Variants in NUP155 observed in about 807,000 individuals in gnomAD.
The protein encoded by NUP155 is nucleoporin 155.
A neutral mutation model predicts 180.4 loss-of-function variants in NUP155; 71 were observed. The ratio of observed to expected loss-of-function variants is 0.39; its 90% CI spans 0.33 to 0.48. NUP155 has a LOEUF of 0.48. Ranked by LOEUF, NUP155 falls within the 20% of genes least tolerant of loss-of-function variation. The pLI is 0.91. For missense variants in NUP155, 1,553 were observed against 1,648.9 expected (o/e 0.94, Z 1.01); for synonymous variants, 582 against 559.5 (o/e 1.04, Z -0.57).
At chr5:37,368,729 G>A (rs779679901) in intron 1 of NUP155, among the ~76,000 whole-genome samples, 22 of 152,208 alleles carry the variant, frequency 1.4e-4, no homozygotes, top group Admixed American at 3.9e-4. Context: ...CAGGAGCATC[G>A]CTTGAACCTG....
At chr5:37,327,824 C>A (rs757918044) in intron 17 of NUP155, 48 bp from the exon 18 acceptor site, 34 of 1,585,464 alleles carry the variant, frequency 2.1e-5, no homozygotes, top group Non-Finnish European at 2.9e-5. Context: ...AATCTTAGAA[C>A]CCATAAATCT....
At chr5:37,334,990 T>C (rs1745228906) in intron 12 of NUP155, among the ~76,000 whole-genome samples, 1 of 151,864 alleles carries the variant, frequency 6.6e-6, no homozygotes, top group South Asian at 2.1e-4. Context: ...AAACCCTGTC[T>C]CTACTAAAAA....
rs527693938 is a variant in NUP155, at chr5:37,364,037, C to A, written c.296-53G>T. ...AGAGGTGAATCTTATTCTTCTTTAA[C>A]TTGTTTCAATAGCTTTTGACTTAAT... On this transcript the variant is annotated intron_variant, in intron 2 of 34. Transcript: ENST00000231498. 108 of 1,383,162 alleles carry A rather than the reference C, an allele frequency of 7.8e-5. No individual in the cohort carries two copies. In the South Asian group the frequency reaches 7.9e-4, roughly 10 times the overall value. The allele number at this position is 1,383,162 out of a possible 1,614,324, so 85.7% of individuals were successfully genotyped here.
chr5:37,302,681 C>T, intron 29 of NUP155, 98 bp downstream of exon 29: 2 of 1,202,136 alleles, frequency 1.7e-6, no homozygotes, highest in Non-Finnish European at 1.2e-6. Context: ...ATAATAATGA[C>T]TTCTCAGACC....
intron 10 of NUP155, 118 bp downstream of exon 10, chr5:37,342,431 T>G (rs868809561): frequency 2.8e-5 from 19 of 671,598 alleles, no homozygotes; most frequent in Admixed American, 8.1e-5. Flanking sequence ...TACAAACTAT[T>G]TATATGGCTT....
intron 4 of NUP155, 115 bp downstream of exon 4, chr5:37,357,966 C>G (rs1244545567): frequency 2.7e-6 from 2 of 742,402 alleles, no homozygotes; most frequent in Non-Finnish European, 4.9e-6. Context: ...GCACTCCAGC[C>G]TACTCGATGG....
Position 37,298,961 on chromosome 5 carries a change from T to A in NUP155, c.3700A>T (p.Thr1234Ser). ...IIEKELSDSV[T>S]LSSSDRMHAL... ...TGCATTCTATCCGAGGAGCTCAATG[T>A]CACACTGTCACTCAATTCTGTAACA... The change falls in exon 32 of 35, where the codon ACA (threonine) becomes TCA (serine). Residue 1234 changes from threonine to serine, a missense_variant. Coordinates refer to ENST00000231498, the MANE Select transcript of NUP155 (RefSeq NM_153485.3). The A allele has an allele frequency of 6.2e-7, 1 of 1,604,526 alleles. No homozygotes were observed. Among genetic ancestry groups the A allele is most frequent in the Non-Finnish European group, 8.5e-7 (1 of 1,171,338 alleles).
chr5:37,306,792 C>G (rs1561771545), intron 25 of NUP155, among the ~76,000 whole-genome samples: 1 of 151,190 alleles, frequency 6.6e-6, no homozygotes. Flanking sequence ...CACACATTTC[C>G]TTTTTAACAG....
intron 3 of NUP155, 120 bp downstream of exon 3, chr5:37,363,768 C>G (rs1341244067): frequency 1.4e-6 from 1 of 721,454 alleles, no homozygotes; most frequent in Non-Finnish European, 2.5e-6. Context: ...CTGAGAAGCA[C>G]TGACCCAAAG....
Position 37,328,440 on chromosome 5 carries a change from T to C in NUP155, c.1814-20A>G. The C allele has an allele frequency of 6.6e-7, 1 of 1,509,924 alleles. No individual in the cohort carries two copies. The highest frequency in any genetic ancestry group is 9.2e-7 in the Non-Finnish European group (1 of 1,085,798). 93.5% of individuals were successfully genotyped at this position (1,509,924 alleles called of 1,614,324 possible). ...GAGAACCTAAAAAGGGAAAGAAGAA[T>C]ATAAAGATTTAGAAAAGAACATCTC... On this transcript the variant is annotated intron_variant, in intron 16 of 34. Transcript: ENST00000231498.
At chr5:37,341,564 A>G (rs1323430732) in intron 10 of NUP155, among the ~76,000 whole-genome samples, 1 of 150,996 alleles carries the variant, frequency 6.6e-6, no homozygotes, top group Non-Finnish European at 1.5e-5. Context: ...TTTTTGAGAC[A>G]GAATCTTGCT....
intron 9 of NUP155, among the ~76,000 whole-genome samples, chr5:37,343,333 C>A (rs550117161): frequency 1.3e-5 from 2 of 152,242 alleles, no homozygotes; most frequent in East Asian, 3.9e-4. Flanking sequence ...CTTGGCCTCC[C>A]AAAGTGCTGG....
At position 37,338,680 on chromosome 5, in the gene NUP155, C is replaced by T. The variant is rs371535777; in HGVS notation, c.1247-762G>A. Among the ~76,000 whole-genome samples, 10 of 152,296 alleles carry T rather than the reference C, an allele frequency of 6.6e-5. No homozygotes were observed. In the East Asian group the frequency reaches 1.7e-3, roughly 27 times the overall value. On this transcript the variant is annotated intron_variant, in intron 11 of 34. Coordinates refer to ENST00000231498, the MANE Select transcript of NUP155 (RefSeq NM_153485.3). The stretch of plus-strand genomic sequence containing the variant: ...TTGGCCTCCCAAAGTACTGGAATTA[C>T]AGGCGTGAGCCACTGCGCCCAACCG...
At chr5:37,368,779 C>T (rs1747772850) in intron 1 of NUP155, among the ~76,000 whole-genome samples, 1 of 151,754 alleles carries the variant, frequency 6.6e-6, no homozygotes, top group African/African-American at 2.4e-5. Flanking sequence ...ATGCCAACTG[C>T]ACTCCAGGCT....
intron 32 of NUP155, among the ~76,000 whole-genome samples, chr5:37,294,892 T>C (rs1007178982): frequency 3.9e-5 from 6 of 152,066 alleles, no homozygotes; most frequent in Admixed American, 3.9e-4. Flanking sequence ...CTTTTTGGGA[T>C]GATGAAAATG....
intron 4 of NUP155, among the ~76,000 whole-genome samples, chr5:37,355,328 GC>G (rs1420986837): frequency 6.6e-6 from 1 of 151,536 alleles, no homozygotes; most frequent in African/African-American, 2.4e-5. Flanking sequence ...GGACAACATG[GC>G]CAAACCACAT....
intron 16 of NUP155, among the ~76,000 whole-genome samples, chr5:37,328,967 A>G (rs1744782245): frequency 6.6e-6 from 1 of 152,174 alleles, no homozygotes; most frequent in African/African-American, 2.4e-5. Context: ...TATATACCAA[A>G]TGAGTTATGT....
intron 16 of NUP155, 59 bp from the exon 17 acceptor site, chr5:37,328,479 T>C: frequency 3.2e-6 from 4 of 1,244,432 alleles, no homozygotes; most frequent in Non-Finnish European, 4.7e-6. Context: ...CTTTTGAATG[T>C]GATCAAAATT....
At chr5:37,357,720 G>A (rs1207628657) in intron 4 of NUP155, among the ~76,000 whole-genome samples, 2 of 152,254 alleles carry the variant, frequency 1.3e-5, no homozygotes, top group East Asian at 1.9e-4. Context: ...TCAGCCAGGC[G>A]CGGTGGCTTA....
Sources: allele counts gnomAD v4.1 joint callset (sites outside exome capture counted in the v4.1 genomes callset), GRCh38; gene constraint gnomAD v4.1.1; transcripts MANE v1.5; gene names NCBI Gene and HGNC (gene_info 2026-07-23, HGNC 2026-07-21).